The following MME variants were observed in gnomAD, a reference collection of about 807,000 sequenced individuals.
The protein encoded by MME is neprilysin.
A neutral mutation model predicts 113.2 loss-of-function variants in MME; 98 were observed. The observed-to-expected ratio is 0.87, with a 90% CI of 0.74 to 1.02. The LOEUF is 1.02. Ranked by LOEUF, MME falls within the 50% of genes least tolerant of loss-of-function variation. The probability of loss-of-function intolerance (pLI) is 0.00; values close to 1 mark genes in which losing one functional copy is unlikely to be tolerated. For missense variants in MME, 836 were observed against 896.0 expected, an observed-to-expected ratio of 0.93 and a Z score of 0.86; for synonymous variants, 292 against 300.6, an observed-to-expected ratio of 0.97 and a Z score of 0.30.
intron 3 of MME, among the ~76,000 whole-genome samples, chr3:155,091,174 G>T (rs999603783): frequency 6.6e-6 from 1 of 152,180 alleles, no homozygotes; most frequent in Non-Finnish European, 1.5e-5. Flanking sequence ...TTTAAATGTG[G>T]CATGTGGCAA....
chr3:155,174,334 G>C, intron 22 of MME, among the ~76,000 whole-genome samples: 1 of 104,922 alleles, frequency 9.5e-6, no homozygotes, highest in Non-Finnish European at 1.8e-5. Context: ...GCGTGTGTGT[G>C]TGTGTGTGTG....
At chr3:155,091,243 T>G (rs3732888) in intron 3 of MME, among the ~76,000 whole-genome samples, 2,284 of 152,306 alleles carry the variant, frequency 0.015, 84 homozygotes, top group South Asian at 0.15. Context: ...GGATATTACC[T>G]TACATTTATC....
chr3:155,102,343 G>A (rs1173491515), intron 3 of MME, among the ~76,000 whole-genome samples: 1 of 152,164 alleles, frequency 6.6e-6, no homozygotes, highest in Non-Finnish European at 1.5e-5. Context: ...TTCCCTGGGT[G>A]GGGGTATACT....
intron 16 of MME, among the ~76,000 whole-genome samples, chr3:155,151,387 T>C (rs1387522342): frequency 6.6e-6 from 1 of 152,122 alleles, no homozygotes; most frequent in African/African-American, 2.4e-5. Flanking sequence ...CTAATGTAAA[T>C]GAATTCAATT....
chr3:155,065,081 G>T (rs1009991787), intron 1 of MME, among the ~76,000 whole-genome samples: 1 of 152,146 alleles, frequency 6.6e-6, no homozygotes, highest in African/African-American at 2.4e-5. Context: ...TGACAATCCT[G>T]TTTCCAAATT....
At chr3:155,061,255 A>G (rs574918427) in intron 1 of MME, among the ~76,000 whole-genome samples, 1 of 152,202 alleles carries the variant, frequency 6.6e-6, no homozygotes, top group East Asian at 1.9e-4. Context: ...GATAGAGACC[A>G]TCCTGGCTAA....
At chr3:155,174,420 G>T (rs1712319493) in intron 22 of MME, among the ~76,000 whole-genome samples, 1 of 149,620 alleles carries the variant, frequency 6.7e-6, no homozygotes. Context: ...CCAACCTTTT[G>T]TCAAGGAAAT....
intron 1 of MME, among the ~76,000 whole-genome samples, chr3:155,029,176 A>G (rs573096219): frequency 1.3e-5 from 2 of 152,276 alleles, no homozygotes; most frequent in South Asian, 4.1e-4. Context: ...TCTTGTTAAT[A>G]CTACACAAAA....
chr3:155,110,602 A>G (rs1559923886), intron 3 of MME, among the ~76,000 whole-genome samples: 1 of 152,224 alleles, frequency 6.6e-6, no homozygotes, highest in Non-Finnish European at 1.5e-5. Context: ...AAACATTCAG[A>G]ATTGTCATTT....
chr3:155,087,386 A>C (rs1715857412), intron 3 of MME, among the ~76,000 whole-genome samples: 1 of 151,918 alleles, frequency 6.6e-6, no homozygotes, highest in Non-Finnish European at 1.5e-5. Context: ...GCTGCTCGAC[A>C]TAGTAAGTTT....
At chr3:155,045,255 A>AT (rs1713516735) in intron 1 of MME, among the ~76,000 whole-genome samples, 1 of 151,318 alleles carries the variant, frequency 6.6e-6, no homozygotes, top group African/African-American at 2.4e-5. Flanking sequence ...GGTTCAGACG[A>AT]TTCCCCTGCC....
At chr3:155,083,621 A>G (rs1268512036) in intron 1 of MME, 1 of 157,046 alleles carries the variant, frequency 6.4e-6, no homozygotes, top group Non-Finnish European at 1.4e-5. Context: ...TTTTATGACT[A>G]AAATAAACTA....
intron 3 of MME, among the ~76,000 whole-genome samples, chr3:155,107,352 C>CAA (rs199544238): frequency 4.7e-4 from 33 of 70,418 alleles, no homozygotes; most frequent in Non-Finnish European, 6.4e-4. Flanking sequence ...GACTCTGTCT[C>CAA]AAAAAAAAAA....
Position 155,055,591 on chromosome 3 carries a change from C to T in MME, c.-10-28567C>T, listed in dbSNP as rs186982859. 6.1e-4 allele frequency among the ~76,000 whole-genome samples: 91 copies of T among 149,526 alleles called. 1 individual carries two copies. The highest frequency in any genetic ancestry group is 2.0e-3 in the African/African-American group (82 of 40,644). On this transcript the variant is annotated intron_variant, in intron 1 of 22. Coordinates refer to the MME transcript ENST00000492661. ...CAGCCTGGAGGACAGAGCAAGACAC[C>T]GTCTCAAAAAAAAAAAAAACTTTTA... is the stretch of plus-strand genomic sequence containing the variant.
chr3:155,133,294 T>C (rs1024607500), intron 8 of MME, among the ~76,000 whole-genome samples: 3 of 151,552 alleles, frequency 2.0e-5, no homozygotes, highest in Admixed American at 6.6e-5. Context: ...ATCAGTTACA[T>C]TGGAGTAGTT....
intron 8 of MME, 76 bp downstream of exon 8, chr3:155,118,887 A>G: frequency 1.0e-6 from 1 of 989,756 alleles, no homozygotes; most frequent in Non-Finnish European, 1.6e-6. Flanking sequence ...AAAAAGATAA[A>G]GCCAAATTAA....
intron 16 of MME, among the ~76,000 whole-genome samples, chr3:155,149,397 T>G (rs1721755924): frequency 6.6e-6 from 1 of 152,046 alleles, no homozygotes; most frequent in Non-Finnish European, 1.5e-5. Context: ...AGAATCTCAG[T>G]TAAAACAAAA....
intron 1 of MME, among the ~76,000 whole-genome samples, chr3:155,055,222 T>C (rs1713885211): frequency 6.6e-6 from 1 of 152,174 alleles, no homozygotes. Flanking sequence ...CATACAGTAG[T>C]AAGAGTGGAC....
intron 1 of MME, among the ~76,000 whole-genome samples, chr3:155,049,231 A>G (rs1424719449): frequency 2.6e-5 from 4 of 152,162 alleles, no homozygotes; most frequent in African/African-American, 9.7e-5. Context: ...GATGTATTTA[A>G]GATAATAATT....
Sources: allele counts gnomAD v4.1 joint callset (sites outside exome capture counted in the v4.1 genomes callset), GRCh38; gene constraint gnomAD v4.1.1; transcripts MANE v1.5; gene names NCBI Gene and HGNC (gene_info 2026-07-23, HGNC 2026-07-21).